The following SRRM4 variants were observed in gnomAD, a reference collection of about 807,000 sequenced individuals.
SRRM4 encodes the protein serine/arginine repetitive matrix 4.
SRRM4 carries 33 observed loss-of-function variants against 68.9 expected under a neutral mutation model. The ratio of observed to expected loss-of-function variants is 0.48; its 90% confidence interval spans 0.36 to 0.64. The LOEUF (loss-of-function observed/expected upper bound fraction) is 0.64. Ranked by LOEUF, SRRM4 falls within the 30% of genes least tolerant of loss-of-function variation. SRRM4 has a pLI of 0.00. For synonymous variants in SRRM4, 318 were observed against 318.8 expected, an observed-to-expected ratio of 1.00 and a Z score of 0.03; for missense variants, 817 against 827.1, an observed-to-expected ratio of 0.99 and a Z score of 0.15.
chr12:119,095,091 G>C (rs1290708902), intron 1 of SRRM4, among the ~76,000 whole-genome samples: 1 of 152,128 alleles, frequency 6.6e-6, no homozygotes, highest in Non-Finnish European at 1.5e-5. Context: ...AAAGCTCAAA[G>C]GGTCACAGCT....
chr12:119,016,733 C>G (rs1026607905), intron 1 of SRRM4, among the ~76,000 whole-genome samples: 1 of 151,988 alleles, frequency 6.6e-6, no homozygotes, highest in Non-Finnish European at 1.5e-5. Flanking sequence ...GTATTTTTAC[C>G]TCTTTTACTA....
chr12:119,092,519 A>G (rs1358090813), intron 1 of SRRM4, among the ~76,000 whole-genome samples: 1 of 152,036 alleles, frequency 6.6e-6, no homozygotes, highest in Non-Finnish European at 1.5e-5. Context: ...TCAGACCTAA[A>G]ACCTTGGAGT....
At chr12:118,998,128 G>C (rs372315767) in intron 1 of SRRM4, among the ~76,000 whole-genome samples, 3 of 151,980 alleles carry the variant, frequency 2.0e-5, no homozygotes, top group South Asian at 2.1e-4. Context: ...GCATACATCT[G>C]GGTCTAAGGG....
chr12:119,008,121 G>T (rs2135996079), intron 1 of SRRM4, among the ~76,000 whole-genome samples: 3 of 152,206 alleles, frequency 2.0e-5, no homozygotes, highest in Middle Eastern at 6.8e-3. Context: ...ATATGAATAG[G>T]CCTGGAGCAG....
chr12:118,997,648 T>C (rs578184343), intron 1 of SRRM4, among the ~76,000 whole-genome samples: 1 of 152,234 alleles, frequency 6.6e-6, no homozygotes, highest in East Asian at 1.9e-4. Context: ...CTGACACACG[T>C]CTCCCTGAGG....
At chr12:119,136,777 G>A (rs1054119309) in intron 8 of SRRM4, among the ~76,000 whole-genome samples, 1 of 152,120 alleles carries the variant, frequency 6.6e-6, no homozygotes, top group Non-Finnish European at 1.5e-5. Flanking sequence ...GGGTCCTCAG[G>A]AGAGGCTTCA....
Position 119,114,373 on chromosome 12 carries a change from A to G in SRRM4, c.365+9A>G. On this transcript the variant is annotated intron_variant, in intron 3 of 12. Coordinates refer to ENST00000267260, the MANE Select transcript of SRRM4 (RefSeq NM_194286.4). ...CGGAAGAAGAGAAGGAGGTAAGAGC[A>G]CCAAGAGGGAGATAAAACCTGTAAG... 1.3e-6 allele frequency: 2 copies of G among 1,597,696 alleles called. No individual in the cohort carries two copies. The highest frequency in any genetic ancestry group is 1.7e-6 in the Non-Finnish European group (2 of 1,170,934).
intron 8 of SRRM4, among the ~76,000 whole-genome samples, chr12:119,132,785 G>C (rs914903881): frequency 2.6e-5 from 4 of 152,152 alleles, no homozygotes; most frequent in Admixed American, 6.5e-5. Flanking sequence ...CTAATGCTCT[G>C]ATTACTAAGA....
At chr12:119,153,161 T>C (rs919124392) in intron 10 of SRRM4, among the ~76,000 whole-genome samples, 3 of 152,210 alleles carry the variant, frequency 2.0e-5, no homozygotes, top group African/African-American at 7.2e-5. Context: ...TCCTGTCTAA[T>C]TGATACTTAG....
chr12:119,088,781 T>C (rs941211388), intron 1 of SRRM4, among the ~76,000 whole-genome samples: 1 of 152,156 alleles, frequency 6.6e-6, no homozygotes, highest in Non-Finnish European at 1.5e-5. Context: ...GAGAAGGCAC[T>C]CTGGGCAGAG....
intron 1 of SRRM4, among the ~76,000 whole-genome samples, chr12:119,032,929 G>C (rs567623796): frequency 6.6e-6 from 1 of 152,126 alleles, no homozygotes; most frequent in Admixed American, 6.5e-5. Context: ...AGTTATAATA[G>C]TCCCATAATA....
chr12:119,074,322 T>C (rs1953895904), intron 1 of SRRM4, among the ~76,000 whole-genome samples: 1 of 152,306 alleles, frequency 6.6e-6, no homozygotes, highest in East Asian at 1.9e-4. Flanking sequence ...ATAGATGTTC[T>C]TTTCAGTGTA....
intron 9 of SRRM4, among the ~76,000 whole-genome samples, chr12:119,146,303 T>C (rs1954400869): frequency 1.3e-5 from 2 of 152,154 alleles, no homozygotes; most frequent in South Asian, 4.1e-4. Flanking sequence ...AAGTCGAACA[T>C]TGACCAGGCG....
In SRRM4 at chr12:119,137,392, G is replaced by T. The variant is rs193285019; in HGVS notation, c.771+6558G>T. Among the ~76,000 whole-genome samples, 5 of 152,030 alleles carry T rather than the reference G, an allele frequency of 3.3e-5. No homozygotes were observed. In the East Asian group the frequency reaches 7.8e-4, roughly 24 times the overall value. ...AAGTGAGAGGTTGCCTTTTTTCCCC[G>T]TTCTTGATTAAATAATGATTTGAAA... is the stretch of plus-strand genomic sequence containing the variant. On this transcript the variant is annotated intron_variant, in intron 8 of 12. Coordinates refer to ENST00000267260, the MANE Select transcript of SRRM4 (RefSeq NM_194286.4).
chr12:119,150,768 G>T (rs901988291), intron 9 of SRRM4, among the ~76,000 whole-genome samples: 12 of 152,120 alleles, frequency 7.9e-5, no homozygotes, highest in Non-Finnish European at 8.8e-5. Flanking sequence ...ACTCCACTGT[G>T]GCCCCAGCGG....
chr12:119,107,584 T>C (rs1056891446), intron 2 of SRRM4, among the ~76,000 whole-genome samples: 2 of 152,250 alleles, frequency 1.3e-5, no homozygotes, highest in African/African-American at 4.8e-5. Context: ...CCATTTCTTC[T>C]AGATTTTCTA....
At position 119,043,958 on chromosome 12, in the gene SRRM4, C is replaced by T. The variant is rs139310440; in HGVS notation, c.132-58278C>T. Among the ~76,000 whole-genome samples the T allele has an allele frequency of 3.1e-3, 477 of 152,262 alleles. 1 individual carries two copies. Among genetic ancestry groups the T allele is most frequent in the African/African-American group, 0.011 (447 of 41,540 alleles). The stretch of plus-strand genomic sequence containing the variant: ...TCAGCTCACCACAACCTCCGCCTTC[C>T]GGTTTTCAAGTGATTCTCCTGCCTC... On this transcript the variant is annotated intron_variant, in intron 1 of 12. Coordinates refer to ENST00000267260, the MANE Select transcript of SRRM4 (RefSeq NM_194286.4).
Position 119,140,877 on chromosome 12 carries a change from A to G in SRRM4, c.772-4504A>G, listed in dbSNP as rs994265351. Among the ~76,000 whole-genome samples, 5 of 152,214 alleles carry G rather than the reference A, an allele frequency of 3.3e-5. No homozygotes were observed. In the East Asian group the frequency reaches 9.6e-4, roughly 29 times the overall value. On this transcript the variant is annotated intron_variant, in intron 8 of 12. Coordinates refer to ENST00000267260, the MANE Select transcript of SRRM4 (RefSeq NM_194286.4). ...CTCTCTGCCAGGGGTCTGGACCTCAAACTTTCTTCTAAGACCTTCTGTTCA... is the reference window on the plus strand; with the variant it reads ...CTCTCTGCCAGGGGTCTGGACCTCAGACTTTCTTCTAAGACCTTCTGTTCA...
At chr12:119,087,494 A>G (rs536286725) in intron 1 of SRRM4, among the ~76,000 whole-genome samples, 27 of 152,300 alleles carry the variant, frequency 1.8e-4, no homozygotes, top group African/African-American at 6.3e-4. Flanking sequence ...TGAGAAATGA[A>G]AGTTCTGTGT....
Sources: gnomAD v4.1 joint callset for allele counts (sites outside exome capture counted in the v4.1 genomes callset) on GRCh38, gnomAD v4.1.1 for gene constraint, MANE v1.5 for transcripts, NCBI Gene and HGNC (gene_info 2026-07-23, HGNC 2026-07-21) for gene names.